Variants in DPF3 observed in about 807,000 individuals in gnomAD.
DPF3 encodes the protein zinc finger protein DPF3.
DPF3 carries 18 observed loss-of-function variants against 56.8 expected under a neutral mutation model. The observed-to-expected ratio is 0.32, with a 90% CI of 0.22 to 0.47. The LOEUF (loss-of-function observed/expected upper bound fraction) is 0.47, where lower values mean the gene tolerates loss of function less well. Among genes scored for constraint, DPF3 ranks in the 20% least tolerant of loss-of-function variants. The probability of loss-of-function intolerance (pLI) is 1.00; values close to 1 mark genes in which losing one functional copy is unlikely to be tolerated. For synonymous variants in DPF3, 188 were observed against 180.2 expected, an observed-to-expected ratio of 1.04 and a Z score of -0.35; for missense variants, 403 against 488.8, an observed-to-expected ratio of 0.82 and a Z score of 1.65.
chr14:72,761,462 TA>T (rs1891066636), intron 2 of DPF3, among the ~76,000 whole-genome samples: 1 of 152,054 alleles, frequency 6.6e-6, no homozygotes, highest in Admixed American at 6.5e-5. Flanking sequence ...AATACAGTTC[TA>T]AATAATCCAT....
chr14:72,736,924 C>T (rs1157900518), intron 3 of DPF3, among the ~76,000 whole-genome samples: 1 of 151,360 alleles, frequency 6.6e-6, no homozygotes, highest in Non-Finnish European at 1.5e-5. Flanking sequence ...GGATATAAAC[C>T]CATGGATCGT....
chr14:72,859,299 T>A (rs2140094566), intron 1 of DPF3, among the ~76,000 whole-genome samples: 1 of 152,222 alleles, frequency 6.6e-6, no homozygotes, highest in East Asian at 1.9e-4. Flanking sequence ...TTCCATACTA[T>A]ACAGTAAAAA....
chr14:72,677,058 G>C (rs956781022), intron 7 of DPF3, among the ~76,000 whole-genome samples: 1 of 152,224 alleles, frequency 6.6e-6, no homozygotes, highest in South Asian at 2.1e-4. Flanking sequence ...CTTCTGACGA[G>C]ATGGAGTCTG....
Position 72,617,730 on chromosome 14 carries a change from G to A in DPF3, c.*1567C>T, listed in dbSNP as rs1884168943. On this transcript the variant is annotated 3_prime_UTR_variant, in exon 11 of 11. Transcript: ENST00000556509. ...AGAGGAGCACTCCTGCCGAGGGACA[G>A]CACAAATACTGCGGCCGGGCAGAGG... Among the ~76,000 whole-genome samples, 2 of 152,162 alleles carry A rather than the reference G, an allele frequency of 1.3e-5. No individual in the cohort carries two copies. The highest frequency in any genetic ancestry group is 6.5e-5 in the Admixed American group (1 of 15,278).
intron 4 of DPF3, among the ~76,000 whole-genome samples, chr14:72,726,670 C>G (rs1889419966): frequency 6.6e-6 from 1 of 152,158 alleles, no homozygotes; most frequent in Non-Finnish European, 1.5e-5. Context: ...AGTCCTGCAT[C>G]AGGAGTCGCC....
intron 6 of DPF3, among the ~76,000 whole-genome samples, chr14:72,709,036 GAT>G (rs1223551430): frequency 2.6e-5 from 4 of 152,212 alleles, no homozygotes; most frequent in Non-Finnish European, 5.9e-5. Context: ...CCATCAGCCT[GAT>G]ACCCTTCTCT....
intron 8 of DPF3, among the ~76,000 whole-genome samples, chr14:72,663,744 G>C (rs529653525): frequency 2.4e-4 from 37 of 152,248 alleles, no homozygotes; most frequent in Middle Eastern, 3.4e-3. Context: ...ATAAGGGAGG[G>C]AGAAGAGGGA....
At chr14:72,740,093 G>C (rs192771940) in intron 3 of DPF3, among the ~76,000 whole-genome samples, 2 of 152,146 alleles carry the variant, frequency 1.3e-5, no homozygotes, top group Non-Finnish European at 2.9e-5. Context: ...CTGACATCCA[G>C]GCAAAGACGT....
intron 1 of DPF3, among the ~76,000 whole-genome samples, chr14:72,885,267 G>C (rs1886498744): frequency 1.3e-5 from 2 of 151,828 alleles, no homozygotes; most frequent in Admixed American, 1.3e-4. Context: ...GAGGCAGAGA[G>C]GTTGAATTCT....
intron 6 of DPF3, among the ~76,000 whole-genome samples, chr14:72,698,341 T>C (rs1349536493): frequency 6.6e-6 from 1 of 152,210 alleles, no homozygotes; most frequent in African/African-American, 2.4e-5. Flanking sequence ...AAATAGGCTT[T>C]GTGTTAGATG....
At chr14:72,632,348 T>C (rs1245509368) in intron 8 of DPF3, among the ~76,000 whole-genome samples, 2 of 152,186 alleles carry the variant, frequency 1.3e-5, no homozygotes, top group African/African-American at 2.4e-5. Context: ...AAGTCTATGA[T>C]TGCATTAATA....
chr14:72,719,222 G>T (rs190498014), intron 5 of DPF3, among the ~76,000 whole-genome samples: 1 of 151,568 alleles, frequency 6.6e-6, no homozygotes, highest in Admixed American at 6.6e-5. Flanking sequence ...GGTGCACACC[G>T]CTCTGCCTGG....
intron 1 of DPF3, among the ~76,000 whole-genome samples, chr14:72,842,430 T>C (rs1884584057): frequency 6.6e-6 from 1 of 152,186 alleles, no homozygotes; most frequent in African/African-American, 2.4e-5. Context: ...CAGCCAACGC[T>C]GGGTGAATCT....
chr14:72,785,863 G>A (rs1463563030), intron 1 of DPF3, among the ~76,000 whole-genome samples: 1 of 152,158 alleles, frequency 6.6e-6, no homozygotes, highest in Non-Finnish European at 1.5e-5. Flanking sequence ...ATCAACTAAG[G>A]CAGAAAAAGA....
intron 1 of DPF3, among the ~76,000 whole-genome samples, chr14:72,852,177 G>A (rs1398712442): frequency 6.6e-6 from 1 of 152,214 alleles, no homozygotes; most frequent in African/African-American, 2.4e-5. Context: ...AGCCGGGCAG[G>A]GAGAGGTGGT....
Position 72,619,338 on chromosome 14 carries a change from G to A in DPF3, c.1096C>T (p.Leu366=). The change falls in exon 11 of 11, where the codon CTG becomes TTG. Residue 366 remains leucine, a synonymous_variant. Transcript: ENST00000556509. ...GSWSCHLCWE[L]LKEKASAFGC... is the part of the protein sequence containing the mutation. ...AAGGCTGAGGCTTTCTCTTTGAGCA[G>A]TTCCCAGCATAAGTGGCAGCTCCAG... 2 of 1,536,186 alleles carry A rather than the reference G, an allele frequency of 1.3e-6. No individual in the cohort carries two copies. The highest frequency in any genetic ancestry group is 2.4e-5 in the East Asian group (1 of 40,922).
intron 1 of DPF3, among the ~76,000 whole-genome samples, chr14:72,792,066 C>T (rs1370434397): frequency 6.6e-6 from 1 of 152,212 alleles, no homozygotes; most frequent in Non-Finnish European, 1.5e-5. Flanking sequence ...GCTGAGCAGC[C>T]AGGGGGCTGG....
chr14:72,656,828 T>G (rs539873058), intron 8 of DPF3, among the ~76,000 whole-genome samples: 1 of 152,212 alleles, frequency 6.6e-6, no homozygotes, highest in African/African-American at 2.4e-5. Context: ...TCACTGATCC[T>G]CTCAGCACAA....
At chr14:72,731,713 G>C in intron 4 of DPF3, 94 bp downstream of exon 4, 2 of 1,540,942 alleles carry the variant, frequency 1.3e-6, no homozygotes, top group Non-Finnish European at 1.8e-6. Context: ...CCCGGCCCTT[G>C]AGGGGAGGAT....
Sources: gnomAD v4.1 joint callset for allele counts (sites outside exome capture counted in the v4.1 genomes callset) on GRCh38, gnomAD v4.1.1 for gene constraint, MANE v1.5 for transcripts, NCBI Gene and HGNC (gene_info 2026-07-23, HGNC 2026-07-21) for gene names.